The following RBMS3 variants were observed in gnomAD, a reference collection of about 807,000 sequenced individuals.
The protein encoded by RBMS3 is RNA-binding motif, single-stranded-interacting protein 3.
In RBMS3, 27 loss-of-function variants were observed where a neutral mutation model predicts 66.8. The ratio of observed to expected loss-of-function variants is 0.40; its 90% CI spans 0.30 to 0.56. The LOEUF is 0.56. RBMS3 is among the 20% of genes least tolerant of loss of function. RBMS3 has a pLI of 0.40. For missense variants in RBMS3, 513 were observed against 549.5 expected (o/e 0.93, Z 0.66); for synonymous variants, 188 against 183.0 (o/e 1.03, Z -0.22).
intron 3 of RBMS3, among the ~76,000 whole-genome samples, chr3:29,506,805 T>A (rs778314442): frequency 6.6e-6 from 1 of 151,934 alleles, no homozygotes; most frequent in Non-Finnish European, 1.5e-5. Context: ...TTGGTTTTTA[T>A]GTTTTAGTTT....
chr3:29,664,519 C>G (rs1315473677), intron 4 of RBMS3, among the ~76,000 whole-genome samples: 2 of 151,848 alleles, frequency 1.3e-5, no homozygotes, highest in Non-Finnish European at 2.9e-5. Context: ...AAGTCATTTA[C>G]TATGACTTGT....
At chr3:29,359,094 G>C (rs1408400915) in intron 1 of RBMS3, among the ~76,000 whole-genome samples, 1 of 152,180 alleles carries the variant, frequency 6.6e-6, no homozygotes, top group East Asian at 1.9e-4. Flanking sequence ...TTGAATAGGA[G>C]TGGAGAGAGA....
At chr3:29,539,448 T>A (rs924101836) in intron 3 of RBMS3, among the ~76,000 whole-genome samples, 18 of 152,190 alleles carry the variant, frequency 1.2e-4, no homozygotes, top group African/African-American at 4.1e-4. Flanking sequence ...ATTTGGTTAT[T>A]TGGAGGTCAG....
chr3:29,471,728 T>TTTTTTTTTTTTTTTTTTTTTC, intron 2 of RBMS3, among the ~76,000 whole-genome samples: 1 of 151,422 alleles, frequency 6.6e-6, no homozygotes, highest in African/African-American at 2.4e-5. Flanking sequence ...GTTTTTTTTT[T>TTTTTTTTTTTTTTTTTTTTTC]TTTTTTTTTG....
At chr3:29,818,110 A>G (rs1169982202) in intron 6 of RBMS3, among the ~76,000 whole-genome samples, 1 of 152,174 alleles carries the variant, frequency 6.6e-6, no homozygotes, top group Admixed American at 6.5e-5. Flanking sequence ...ATAATTAACC[A>G]GTGTTACATT....
chr3:29,660,618 T>TA (rs1337787349), intron 4 of RBMS3, among the ~76,000 whole-genome samples: 7 of 152,156 alleles, frequency 4.6e-5, no homozygotes, highest in East Asian at 1.9e-4. Flanking sequence ...GGTTTTTTTT[T>TA]ATCTCTTCCT....
At chr3:29,656,433 A>G (rs995483722) in intron 4 of RBMS3, among the ~76,000 whole-genome samples, 1 of 152,234 alleles carries the variant, frequency 6.6e-6, no homozygotes, top group Admixed American at 6.5e-5. Flanking sequence ...AAGCAACACC[A>G]TATAGCCCAG....
At chr3:29,864,790 TG>T (rs145927511) in intron 6 of RBMS3, among the ~76,000 whole-genome samples, 46,631 of 139,056 alleles carry the variant, frequency 0.34, 8,908 homozygotes, top group East Asian at 0.46. Context: ...ATAAGAAAAA[TG>T]AGTCACAGAA....
At chr3:29,353,365 G>A (rs1249230872) in intron 1 of RBMS3, among the ~76,000 whole-genome samples, 1 of 151,912 alleles carries the variant, frequency 6.6e-6, no homozygotes, top group African/African-American at 2.4e-5. Context: ...ATTATCAGGA[G>A]TTTTTTATTA....
intron 4 of RBMS3, among the ~76,000 whole-genome samples, chr3:29,719,134 ACT>A (rs143840750): frequency 0.059 from 8,994 of 152,038 alleles, 870 homozygotes; most frequent in African/African-American, 0.2. Context: ...GGGGCCTAAG[ACT>A]CTCCATTTCT....
At position 30,004,897 on chromosome 3, in the gene RBMS3, A is replaced by G. The variant is rs1219914250; in HGVS notation, c.*1035A>G. On this transcript the variant is annotated 3_prime_UTR_variant, in exon 15 of 15. Transcript: ENST00000383767. ...CCTAGCTTAAGAGCATTAAAAAAAA[A>G]AACTTAAGTAGATAGGAGCTTATGG... 1.3e-5 allele frequency: 2 copies of G among 150,896 alleles called. No homozygotes were observed. Among genetic ancestry groups the G allele is most frequent in the Non-Finnish European group, 3.0e-5 (2 of 67,514 alleles). The allele number at this position is 150,896 out of a possible 1,614,324, so 9.3% of individuals were successfully genotyped here. A position where few individuals can be genotyped will look rare whatever the true frequency, so the allele number is the denominator to read the frequency against.
At chr3:29,935,368 C>G (rs2149687322) in intron 10 of RBMS3, among the ~76,000 whole-genome samples, 1 of 152,098 alleles carries the variant, frequency 6.6e-6, no homozygotes, top group Non-Finnish European at 1.5e-5. Flanking sequence ...ATCCACTTTT[C>G]TTAACATCTG....
chr3:29,636,236 G>A (rs1211873931), intron 4 of RBMS3, among the ~76,000 whole-genome samples: 2 of 151,710 alleles, frequency 1.3e-5, no homozygotes, highest in East Asian at 3.9e-4. Flanking sequence ...TTAAAATAAG[G>A]GCTATTTATT....
chr3:29,334,747 G>C (rs1175026150), intron 1 of RBMS3, among the ~76,000 whole-genome samples: 1 of 152,158 alleles, frequency 6.6e-6, no homozygotes, highest in Non-Finnish European at 1.5e-5. Flanking sequence ...AAAATATTTT[G>C]GGTCTGCTGT....
At chr3:29,632,365 G>A (rs1395558909) in intron 4 of RBMS3, among the ~76,000 whole-genome samples, 1 of 151,862 alleles carries the variant, frequency 6.6e-6, no homozygotes, top group South Asian at 2.1e-4. Context: ...AAGAGAGTAG[G>A]AGAACTGGGA....
chr3:29,473,570 G>C (rs1424997548), intron 2 of RBMS3, among the ~76,000 whole-genome samples: 2 of 152,204 alleles, frequency 1.3e-5, no homozygotes, highest in African/African-American at 4.8e-5. Flanking sequence ...CGCTCGTTGG[G>C]GAGGCTCGGG....
intron 2 of RBMS3, among the ~76,000 whole-genome samples, chr3:29,477,678 G>C (rs1362571683): frequency 6.7e-6 from 1 of 149,868 alleles, no homozygotes; most frequent in African/African-American, 2.5e-5. Flanking sequence ...TTAGCTACTT[G>C]GGGATGAGAA....
chr3:29,983,021 G>A (rs895775106), intron 12 of RBMS3, among the ~76,000 whole-genome samples: 3 of 151,972 alleles, frequency 2.0e-5, no homozygotes, highest in Non-Finnish European at 4.4e-5. Context: ...AAAGTGTCCC[G>A]CTATTATGGT....
intron 4 of RBMS3, among the ~76,000 whole-genome samples, chr3:29,597,955 A>G (rs1218747070): frequency 2.6e-5 from 4 of 152,116 alleles, no homozygotes; most frequent in Non-Finnish European, 4.4e-5. Flanking sequence ...TTGCTTGATG[A>G]GACCAGCACA....
Sources: allele counts gnomAD v4.1 joint callset (sites outside exome capture counted in the v4.1 genomes callset), GRCh38; gene constraint gnomAD v4.1.1; transcripts MANE v1.5; gene names NCBI Gene and HGNC (gene_info 2026-07-23, HGNC 2026-07-21).